MCTP2: variants seen among roughly 807,000 people sequenced by gnomAD.
MCTP2 encodes multiple C2 and transmembrane domain-containing protein 2.
MCTP2 carries 132 observed loss-of-function variants against 111.6 expected under a neutral mutation model. That is an observed-to-expected ratio of 1.18 (90% CI 1.03 to 1.37). The LOEUF (loss-of-function observed/expected upper bound fraction) is 1.37. Ranked by LOEUF, MCTP2 falls within the 40% of genes most tolerant of loss-of-function variation. The probability of loss-of-function intolerance (pLI) is 0.00; values close to 1 mark genes in which losing one functional copy is unlikely to be tolerated. For missense variants in MCTP2, 1,183 were observed against 1,067.9 expected, an observed-to-expected ratio of 1.11 and a Z score of -1.50; for synonymous variants, 395 against 387.7, an observed-to-expected ratio of 1.02 and a Z score of -0.22.
At chr15:94,300,147 G>A (rs1472480904) in intron 2 of MCTP2, among the ~76,000 whole-genome samples, 4 of 151,948 alleles carry the variant, frequency 2.6e-5, no homozygotes, top group East Asian at 1.9e-4. Context: ...TCTTGGCTTT[G>A]ATATACTAAC....
intron 17 of MCTP2, among the ~76,000 whole-genome samples, chr15:94,408,147 C>G (rs1366471651): frequency 6.6e-6 from 1 of 152,196 alleles, no homozygotes; most frequent in Non-Finnish European, 1.5e-5. Flanking sequence ...TTTCATTAAG[C>G]TCTTTCATTG....
In MCTP2 at chr15:94,480,399, A is replaced by C. The variant is rs1479494552; in HGVS notation, c.*1365A>C. On this transcript the variant is annotated 3_prime_UTR_variant, in exon 23 of 23. Coordinates refer to ENST00000357742, the MANE Select transcript of MCTP2 (RefSeq NM_001385001.1). The stretch of plus-strand genomic sequence containing the variant: ...TTACGAAAAATGCCAAAGATTCTAA[A>C]TCTTATCATCCCGTGTCTGTTTTTC... 6.6e-6 allele frequency: 1 copy of C among 152,126 alleles called. No homozygotes were observed. Among genetic ancestry groups the C allele is most frequent in the Non-Finnish European group, 1.5e-5 (1 of 68,022 alleles). The allele number at this position is 152,126 out of a possible 1,614,324, so 9.4% of individuals were successfully genotyped here. A position where few individuals can be genotyped will look rare whatever the true frequency, so the allele number is the denominator to read the frequency against.
intron 17 of MCTP2, among the ~76,000 whole-genome samples, chr15:94,405,377 C>CA (rs779913916): frequency 2.0e-5 from 3 of 152,102 alleles, no homozygotes; most frequent in Non-Finnish European, 4.4e-5. Context: ...GAAAGCAAAC[C>CA]ATACGTTTTC....
intron 4 of MCTP2, among the ~76,000 whole-genome samples, chr15:94,327,988 G>A (rs943588084): frequency 1.3e-5 from 2 of 152,102 alleles, no homozygotes; most frequent in Non-Finnish European, 2.9e-5. Context: ...AAATTGGGAT[G>A]TTTTCTATTC....
rs190102156 is a variant in MCTP2, at chr15:94,235,913, G to A, written c.-66+4249G>A. On this transcript the variant is annotated intron_variant, in intron 1 of 22. Transcript: ENST00000357742. ...CTTGGGATGTGCCTGTTTAACAATC[G>A]TAGTCATTTGCTGACTACTGTGGTT... Among the ~76,000 whole-genome samples the A allele has an allele frequency of 1.2e-4, 19 of 152,300 alleles. No individual in the cohort carries two copies. In the South Asian group the frequency reaches 2.9e-3, roughly 23 times the overall value.
chr15:94,475,725 A>G (rs1306877198), intron 21 of MCTP2, among the ~76,000 whole-genome samples: 2 of 152,206 alleles, frequency 1.3e-5, no homozygotes, highest in African/African-American at 2.4e-5. Context: ...TGAAAAGACT[A>G]CAGCTTATGA....
chr15:94,385,193 A>G (rs902440204), intron 13 of MCTP2, among the ~76,000 whole-genome samples: 22 of 152,174 alleles, frequency 1.4e-4, no homozygotes, highest in African/African-American at 5.3e-4. Context: ...TGTTTGAAAA[A>G]TGTCATAGTA....
chr15:94,297,284 C>A (rs2075317800), intron 1 of MCTP2, among the ~76,000 whole-genome samples: 1 of 152,182 alleles, frequency 6.6e-6, no homozygotes, highest in Admixed American at 6.5e-5. Context: ...ACAGCATTTA[C>A]CCTACTCTGT....
chr15:94,384,461 T>C (rs2080339400), intron 13 of MCTP2, among the ~76,000 whole-genome samples: 1 of 152,172 alleles, frequency 6.6e-6, no homozygotes, highest in South Asian at 2.1e-4. Context: ...TCTTATGTGT[T>C]CTAAGATCTG....
At chr15:94,340,159 AC>A (rs2077557346) in intron 5 of MCTP2, 39 bp from the exon 6 acceptor site, 6 of 1,390,930 alleles carry the variant, frequency 4.3e-6, no homozygotes, top group Non-Finnish European at 6.1e-6. Flanking sequence ...CAGTTGGTTT[AC>A]CATAATAATG....
chr15:94,298,818 C>G lies in MCTP2; in HGVS notation c.465+88C>G, dbSNP rs1174277339. ...TCTCCCTCTCTCCCCATCTCCCTCT[C>G]TCTTCCCCCCTCCCCCTCCCTCTCT... On this transcript the variant is annotated intron_variant, in intron 2 of 22. Coordinates refer to ENST00000357742, the MANE Select transcript of MCTP2 (RefSeq NM_001385001.1). 47 of 589,458 alleles carry G rather than the reference C, an allele frequency of 8.0e-5. 3 individuals carry two copies. The highest frequency in any genetic ancestry group is 1.1e-4 in the Non-Finnish European group (43 of 406,088). 36.5% of individuals were successfully genotyped at this position (589,458 alleles called of 1,614,324 possible). A position where few individuals can be genotyped will look rare whatever the true frequency, so the allele number is the denominator to read the frequency against.
chr15:94,466,510 G>T lies in MCTP2; in HGVS notation c.2361-3823G>T, dbSNP rs540585436. 2.6e-5 allele frequency among the ~76,000 whole-genome samples: 4 copies of T among 152,160 alleles called. No individual in the cohort carries two copies. In the South Asian group the frequency reaches 8.3e-4, roughly 32 times the overall value. ...TAGATTTCTCCACTTAGCACCGAGG[G>T]CATGATTTATGTCCACTCTATGGTA... On this transcript the variant is annotated intron_variant, in intron 20 of 22. Coordinates refer to ENST00000357742, the MANE Select transcript of MCTP2 (RefSeq NM_001385001.1).
intron 13 of MCTP2, 117 bp from the exon 14 acceptor site, chr15:94,385,306 G>A: frequency 1.6e-6 from 1 of 617,784 alleles, no homozygotes; most frequent in Non-Finnish European, 2.8e-6. Context: ...TAATTAAATG[G>A]TAGGTTTATA....
chr15:94,445,884 C>T (rs1195118450), intron 19 of MCTP2, among the ~76,000 whole-genome samples: 4 of 152,202 alleles, frequency 2.6e-5, no homozygotes, highest in African/African-American at 9.6e-5. Flanking sequence ...TCTTTAATTG[C>T]CAGTGCTCCT....
At chr15:94,252,385 G>A (rs2388515) in intron 1 of MCTP2, among the ~76,000 whole-genome samples, 47 of 152,158 alleles carry the variant, frequency 3.1e-4, no homozygotes, top group African/African-American at 1.0e-3. Flanking sequence ...TGAGTATAAC[G>A]TTTTTACAGA....
intron 4 of MCTP2, among the ~76,000 whole-genome samples, chr15:94,338,473 A>C (rs1039157917): frequency 6.9e-6 from 1 of 145,596 alleles, no homozygotes. Context: ...TAATTCATGT[A>C]TTATGTTTGC....
chr15:94,298,655 G>A lies in MCTP2; in HGVS notation c.390G>A (p.Arg130=). ...SEEAYASPAE[R]RRVSSNGIFD... ...AGGCCTATGCCTCTCCTGCTGAGCG[G>A]AGACGGGTGTCCAGCAACGGCATCT... Residue 130 remains arginine (R), a synonymous_variant, in exon 2 of 23, where the codon CGG becomes CGA. Coordinates refer to ENST00000357742, the MANE Select transcript of MCTP2 (RefSeq NM_001385001.1). 1 of 1,613,918 alleles carries A rather than the reference G, an allele frequency of 6.2e-7. No individual in the cohort carries two copies. Among genetic ancestry groups the A allele is most frequent in the Non-Finnish European group, 8.5e-7 (1 of 1,179,950 alleles).
In MCTP2 at chr15:94,308,166, T is replaced by C. The variant is rs192825531; in HGVS notation, c.466-6116T>C. On this transcript the variant is annotated intron_variant, in intron 2 of 22. Coordinates refer to ENST00000357742, the MANE Select transcript of MCTP2 (RefSeq NM_001385001.1). Reference sequence around the variant, plus strand: ...TACCCTCTGAGTGATTTAATTATTCTAACAACCTATAAGAATCTGTTTTGA... The same window carrying C: ...TACCCTCTGAGTGATTTAATTATTCCAACAACCTATAAGAATCTGTTTTGA... Among the ~76,000 whole-genome samples the C allele has an allele frequency of 7.6e-4, 115 of 152,308 alleles. 1 individual carries two copies. Among genetic ancestry groups the C allele is most frequent in the African/African-American group, 2.5e-3 (104 of 41,554 alleles).
At chr15:94,375,489 T>G (rs1452236584) in intron 12 of MCTP2, among the ~76,000 whole-genome samples, 2 of 151,874 alleles carry the variant, frequency 1.3e-5, no homozygotes, top group Non-Finnish European at 2.9e-5. Flanking sequence ...GACTCACAAT[T>G]TGGAGTTGCT....
Sources: allele counts gnomAD v4.1 joint callset (sites outside exome capture counted in the v4.1 genomes callset), GRCh38; gene constraint gnomAD v4.1.1; transcripts MANE v1.5; gene names NCBI Gene and HGNC (gene_info 2026-07-23, HGNC 2026-07-21).